Variants in THSD4 observed in about 807,000 individuals in gnomAD.
THSD4 encodes the protein thrombospondin type-1 domain-containing protein 4.
A neutral mutation model predicts 119.0 loss-of-function variants in THSD4; 69 were observed. The observed-to-expected ratio is 0.58, with a 90% CI of 0.48 to 0.71. THSD4 has a LOEUF of 0.71. Among genes scored for constraint, THSD4 ranks in the 30% least tolerant of loss-of-function variants. The pLI, the probability that THSD4 is intolerant of heterozygous loss-of-function variation, is 0.00. For missense variants in THSD4, 1,393 were observed against 1,391.1 expected (o/e 1.00, Z -0.02); for synonymous variants, 524 against 540.4 (o/e 0.97, Z 0.42).
At chr15:71,262,725 T>C (rs1340196621) in intron 6 of THSD4, among the ~76,000 whole-genome samples, 1 of 152,158 alleles carries the variant, frequency 6.6e-6, no homozygotes, top group Non-Finnish European at 1.5e-5. Context: ...TGAACAGTGA[T>C]TGTATCTGTC....
chr15:71,550,459 CAG>C (rs2048909885), intron 7 of THSD4, among the ~76,000 whole-genome samples: 1 of 152,148 alleles, frequency 6.6e-6, no homozygotes, highest in African/African-American at 2.4e-5. Flanking sequence ...ATTTTTGAGA[CAG>C]AGTCTTGCTC....
At chr15:71,442,512 C>T (rs1336020795) in intron 7 of THSD4, among the ~76,000 whole-genome samples, 4 of 137,358 alleles carry the variant, frequency 2.9e-5, no homozygotes, top group East Asian at 4.3e-4. Context: ...GAGGTTGCAG[C>T]GAGCCGAGAC....
intron 7 of THSD4, among the ~76,000 whole-genome samples, chr15:71,438,074 C>T (rs372800243): frequency 2.0e-5 from 3 of 152,194 alleles, no homozygotes; most frequent in East Asian, 1.9e-4. Context: ...CCTTCACTTA[C>T]GTGCCCTAAG....
intron 14 of THSD4, among the ~76,000 whole-genome samples, chr15:71,754,994 T>G (rs2053513546): frequency 6.6e-6 from 1 of 152,208 alleles, no homozygotes; most frequent in Non-Finnish European, 1.5e-5. Context: ...TATTAAAGTT[T>G]ATTTGTGCAG....
At chr15:71,306,708 A>G (rs541575922) in intron 6 of THSD4, among the ~76,000 whole-genome samples, 2 of 152,330 alleles carry the variant, frequency 1.3e-5, no homozygotes, top group African/African-American at 2.4e-5. Flanking sequence ...ATATAATCTT[A>G]CCATCTTGAC....
chr15:71,766,228 A>G (rs34126614), intron 16 of THSD4, among the ~76,000 whole-genome samples: 3,023 of 152,200 alleles, frequency 0.02, 104 homozygotes, highest in African/African-American at 0.069. Context: ...TTTTCAAGAA[A>G]CTTCCTAAAA....
intron 7 of THSD4, among the ~76,000 whole-genome samples, chr15:71,535,641 G>A (rs1011254464): frequency 6.6e-6 from 1 of 152,172 alleles, no homozygotes; most frequent in Non-Finnish European, 1.5e-5. Flanking sequence ...GTTATCACCT[G>A]TGTATTTGAT....
At chr15:71,733,271 A>G (rs2053017634) in intron 10 of THSD4, 1 of 152,174 alleles carries the variant, frequency 6.6e-6, no homozygotes, top group African/African-American at 2.4e-5. Context: ...TTCCATGTCA[A>G]TGGAGTCTGG....
At chr15:71,693,126 G>A (rs894334032) in intron 8 of THSD4, among the ~76,000 whole-genome samples, 8 of 151,040 alleles carry the variant, frequency 5.3e-5, no homozygotes, top group African/African-American at 9.7e-5. Flanking sequence ...TGGGGAGGGT[G>A]GGGGGAAACC....
At chr15:71,731,396 T>C (rs941029023) in intron 10 of THSD4, 179 bp downstream of exon 10, 2 of 616,104 alleles carry the variant, frequency 3.2e-6, no homozygotes, top group African/African-American at 1.8e-5. Flanking sequence ...GTCTGAGCCT[T>C]CACTGATGAG....
chr15:71,116,398 A>G (rs1432477735), intron 1 of THSD4, among the ~76,000 whole-genome samples: 2 of 152,160 alleles, frequency 1.3e-5, no homozygotes, highest in Non-Finnish European at 2.9e-5. Flanking sequence ...TTTTTATTTG[A>G]AATAACATCA....
chr15:71,772,380 A>G (rs11072326), intron 17 of THSD4, among the ~76,000 whole-genome samples: 74,050 of 152,036 alleles, frequency 0.49, 20,558 homozygotes, highest in Non-Finnish European at 0.62. Context: ...AAAAAAACCC[A>G]TAAATTCCAT....
chr15:71,717,704 A>G (rs2141105537), intron 8 of THSD4, among the ~76,000 whole-genome samples: 1 of 152,200 alleles, frequency 6.6e-6, no homozygotes, highest in Admixed American at 6.5e-5. Context: ...GCAGCACGGG[A>G]GACAGAGGAG....
chr15:71,235,116 T>C (rs2044093390), intron 4 of THSD4, among the ~76,000 whole-genome samples: 1 of 152,188 alleles, frequency 6.6e-6, no homozygotes, highest in Non-Finnish European at 1.5e-5. Flanking sequence ...ATCTCCCTCC[T>C]CCCTCTCCTA....
At chr15:71,305,369 G>T (rs111394265) in intron 6 of THSD4, among the ~76,000 whole-genome samples, 3 of 152,190 alleles carry the variant, frequency 2.0e-5, no homozygotes, top group African/African-American at 4.8e-5. Context: ...CCAGGCTCTT[G>T]ATGTGGGTGA....
At chr15:71,540,587 C>G (rs2048745984) in intron 7 of THSD4, among the ~76,000 whole-genome samples, 1 of 140,542 alleles carries the variant, frequency 7.1e-6, no homozygotes, top group Non-Finnish European at 1.5e-5. Context: ...TGCCACCACA[C>G]TCAGCTAATT....
chr15:71,204,133 C>G (rs2043825057), intron 3 of THSD4, among the ~76,000 whole-genome samples: 1 of 152,200 alleles, frequency 6.6e-6, no homozygotes, highest in South Asian at 2.1e-4. Context: ...CTTCTGTTTC[C>G]TGAGTAACTG....
chr15:71,252,902 A>T (rs1229563050), intron 5 of THSD4, among the ~76,000 whole-genome samples: 1 of 147,614 alleles, frequency 6.8e-6, no homozygotes, highest in East Asian at 1.9e-4. Flanking sequence ...TCATCAGTCC[A>T]GGCTTCTGCC....
intron 6 of THSD4, among the ~76,000 whole-genome samples, chr15:71,332,059 A>G (rs953754636): frequency 6.6e-6 from 1 of 152,132 alleles, no homozygotes; most frequent in African/African-American, 2.4e-5. Context: ...AGGGTCCTAG[A>G]TTGCCAAGGA....
Sources: gnomAD v4.1 joint callset for allele counts (sites outside exome capture counted in the v4.1 genomes callset) on GRCh38, gnomAD v4.1.1 for gene constraint, MANE v1.5 for transcripts, NCBI Gene and HGNC (gene_info 2026-07-23, HGNC 2026-07-21) for gene names.